The following FSTL5 variants were observed in gnomAD, a reference collection of about 807,000 sequenced individuals.
FSTL5 encodes follistatin like 5.
In FSTL5, 62 loss-of-function variants were observed where a neutral mutation model predicts 89.1. The ratio of observed to expected loss-of-function variants is 0.70; its 90% CI spans 0.57 to 0.86. The LOEUF (loss-of-function observed/expected upper bound fraction) is 0.86. Ranked by LOEUF, FSTL5 falls within the 40% of genes least tolerant of loss-of-function variation. The probability of loss-of-function intolerance (pLI) is 0.00; values close to 1 mark genes in which losing one functional copy is unlikely to be tolerated. For synonymous variants in FSTL5, 383 were observed against 346.2 expected, an observed-to-expected ratio of 1.11 and a Z score of -1.18; for missense variants, 1,057 against 1,001.6, an observed-to-expected ratio of 1.06 and a Z score of -0.75.
At chr4:162,053,067 A>C (rs1335658504) in intron 2 of FSTL5, among the ~76,000 whole-genome samples, 1 of 151,854 alleles carries the variant, frequency 6.6e-6, no homozygotes, top group Non-Finnish European at 1.5e-5. Context: ...GAAGTAAAAA[A>C]TTAATTTTGA....
chr4:162,079,484 G>A (rs1468164482), intron 2 of FSTL5, among the ~76,000 whole-genome samples: 1 of 151,512 alleles, frequency 6.6e-6, no homozygotes, highest in African/African-American at 2.4e-5. Flanking sequence ...TTCTATTATA[G>A]ACTTTTCTGT....
At chr4:161,921,752 T>C (rs1734001430) in intron 3 of FSTL5, among the ~76,000 whole-genome samples, 1 of 152,020 alleles carries the variant, frequency 6.6e-6, no homozygotes, top group Non-Finnish European at 1.5e-5. Context: ...AGTTGCAAGC[T>C]TTAGGGCCCT....
chr4:161,945,166 C>T (rs1734700429), intron 3 of FSTL5, among the ~76,000 whole-genome samples: 1 of 151,782 alleles, frequency 6.6e-6, no homozygotes, highest in African/African-American at 2.4e-5. Context: ...AAAAGGAAAA[C>T]TTCTTCCTCC....
At chr4:161,420,765 T>C (rs886571093) in intron 15 of FSTL5, among the ~76,000 whole-genome samples, 13 of 150,816 alleles carry the variant, frequency 8.6e-5, no homozygotes, top group African/African-American at 3.2e-4. Context: ...TAATATTATA[T>C]AGATAGCATA....
At chr4:162,036,170 C>T (rs1426067322) in intron 2 of FSTL5, among the ~76,000 whole-genome samples, 3 of 152,034 alleles carry the variant, frequency 2.0e-5, no homozygotes, top group African/African-American at 7.2e-5. Flanking sequence ...ATATCTAAAC[C>T]AACCTCACCA....
chr4:161,463,791 C>G (rs745455135), intron 13 of FSTL5, among the ~76,000 whole-genome samples: 2 of 152,150 alleles, frequency 1.3e-5, no homozygotes, highest in African/African-American at 4.8e-5. Context: ...CAAAGGATTA[C>G]AAAGAGTCTG....
intron 1 of FSTL5, among the ~76,000 whole-genome samples, chr4:162,138,714 T>C (rs1458279265): frequency 6.6e-6 from 1 of 152,050 alleles, no homozygotes; most frequent in Non-Finnish European, 1.5e-5. Context: ...ATAAAGTACT[T>C]GTTTACAAAG....
At chr4:161,582,237 A>T (rs1234127390) in intron 8 of FSTL5, among the ~76,000 whole-genome samples, 2 of 152,182 alleles carry the variant, frequency 1.3e-5, no homozygotes, top group East Asian at 3.9e-4. Flanking sequence ...TTTATTATGA[A>T]TTGACAAATT....
At chr4:161,482,543 T>C (rs914017855) in intron 12 of FSTL5, among the ~76,000 whole-genome samples, 10 of 152,204 alleles carry the variant, frequency 6.6e-5, no homozygotes, top group African/African-American at 2.4e-4. Context: ...ATGTATTTAA[T>C]ACTCATAAGA....
intron 10 of FSTL5, among the ~76,000 whole-genome samples, chr4:161,527,312 A>T (rs1731256556): frequency 6.6e-6 from 1 of 152,194 alleles, no homozygotes; most frequent in Admixed American, 6.5e-5. Flanking sequence ...ATTAAACTAA[A>T]GAGCTTCTGC....
chr4:161,895,227 A>G (rs1733117747), intron 4 of FSTL5, among the ~76,000 whole-genome samples: 1 of 152,226 alleles, frequency 6.6e-6, no homozygotes, highest in African/African-American at 2.4e-5. Context: ...TTTAATTATT[A>G]TATTTCCAAA....
intron 15 of FSTL5, among the ~76,000 whole-genome samples, chr4:161,429,259 C>T (rs1270717286): frequency 6.6e-6 from 1 of 152,186 alleles, no homozygotes; most frequent in Admixed American, 6.5e-5. Flanking sequence ...CAGATGGTAT[C>T]TCTGGACCTG....
At chr4:161,885,676 T>C (rs1216582906) in intron 4 of FSTL5, among the ~76,000 whole-genome samples, 1 of 152,120 alleles carries the variant, frequency 6.6e-6, no homozygotes, top group Non-Finnish European at 1.5e-5. Context: ...CTGGAAGTCC[T>C]GTATTCAAGC....
intron 15 of FSTL5, among the ~76,000 whole-genome samples, chr4:161,415,527 T>C (rs1290898630): frequency 6.6e-6 from 1 of 152,068 alleles, no homozygotes; most frequent in Non-Finnish European, 1.5e-5. Flanking sequence ...AGTGCTGGGA[T>C]TTCAGGCGTG....
At chr4:161,416,360 A>G (rs1400856238) in intron 15 of FSTL5, among the ~76,000 whole-genome samples, 1 of 152,176 alleles carries the variant, frequency 6.6e-6, no homozygotes. Context: ...TAGTCATAAT[A>G]TATCTTTCAC....
intron 1 of FSTL5, among the ~76,000 whole-genome samples, chr4:162,126,373 C>T (rs1732081414): frequency 6.6e-6 from 1 of 152,106 alleles, no homozygotes; most frequent in Non-Finnish European, 1.5e-5. Context: ...TCTCCCAACA[C>T]TTTCAAATGT....
At chr4:161,528,586 A>G (rs1356957017) in intron 10 of FSTL5, among the ~76,000 whole-genome samples, 2 of 143,078 alleles carry the variant, frequency 1.4e-5, no homozygotes, top group African/African-American at 5.0e-5. Context: ...AACTTTGAGA[A>G]AACACCCCAC....
rs1731692802 is a variant in FSTL5, at chr4:161,414,127, T to C, written c.1842-27678A>G. Among the ~76,000 whole-genome samples the C allele has an allele frequency of 3.3e-5, 5 of 152,308 alleles. No homozygotes were observed. The South Asian group carries it at 8.3e-4, about 25-fold the overall frequency. ...TTTTGTTAGGTGAATTTCACTTCAA[T>C]ATAAAAAATTAAAGTAAATAATTTA... On this transcript the variant is annotated intron_variant, in intron 15 of 15. Transcript: ENST00000306100.
chr4:161,856,662 GTA>G (rs10647528), intron 4 of FSTL5, among the ~76,000 whole-genome samples: 18,930 of 147,800 alleles, frequency 0.13, 1,316 homozygotes, highest in South Asian at 0.17. Context: ...GTGTGTGTGT[GTA>G]TATATATATA....
Sources: allele counts gnomAD v4.1 joint callset (sites outside exome capture counted in the v4.1 genomes callset), GRCh38; gene constraint gnomAD v4.1.1; transcripts MANE v1.5; gene names NCBI Gene and HGNC (gene_info 2026-07-23, HGNC 2026-07-21).